Variants in SMYD3 observed in about 807,000 individuals in gnomAD.
SMYD3 encodes SET and MYND domain containing 3.
A neutral mutation model predicts 57.7 loss-of-function variants in SMYD3; 36 were observed. That is an observed-to-expected ratio of 0.62 (90% CI 0.48 to 0.82). SMYD3 has a LOEUF of 0.82. SMYD3 is among the 40% of genes least tolerant of loss of function. SMYD3 has a pLI of 0.00. For synonymous variants in SMYD3, 211 were observed against 195.0 expected (o/e 1.08, Z -0.68); for missense variants, 515 against 538.8 (o/e 0.96, Z 0.44).
At chr1:246,300,094 G>A (rs532136685) in intron 5 of SMYD3, among the ~76,000 whole-genome samples, 17 of 151,852 alleles carry the variant, frequency 1.1e-4, no homozygotes, top group African/African-American at 3.4e-4. Flanking sequence ...AAAATTATAC[G>A]TGGTATGCAT....
intron 10 of SMYD3, among the ~76,000 whole-genome samples, chr1:245,770,427 T>C (rs546629872): frequency 6.5e-4 from 99 of 152,328 alleles, no homozygotes; most frequent in African/African-American, 2.4e-3. Flanking sequence ...TCTATCTAGG[T>C]ATAGTAAATT....
In SMYD3 at chr1:246,031,277, A is replaced by G. The variant is rs566667337; in HGVS notation, c.532-101340T>C. On this transcript the variant is annotated intron_variant, in intron 5 of 11. Coordinates refer to ENST00000490107, the MANE Select transcript of SMYD3 (RefSeq NM_001167740.2). ...CTTGGTAGCAAACTAGTTGTCAAGC[A>G]AAGAAGGATTATGGGTTTATTCAGA... 5.3e-5 allele frequency among the ~76,000 whole-genome samples: 8 copies of G among 152,304 alleles called. No individual in the cohort carries two copies. In the South Asian group the frequency reaches 1.7e-3, roughly 32 times the overall value.
At chr1:246,081,582 C>T (rs2060638282) in intron 5 of SMYD3, among the ~76,000 whole-genome samples, 1 of 152,084 alleles carries the variant, frequency 6.6e-6, no homozygotes, top group African/African-American at 2.4e-5. Flanking sequence ...TTAGTAGAGA[C>T]AAAGTTTCGC....
intron 10 of SMYD3, among the ~76,000 whole-genome samples, chr1:245,832,189 C>T (rs1382839706): frequency 6.6e-6 from 1 of 152,192 alleles, no homozygotes; most frequent in Non-Finnish European, 1.5e-5. Flanking sequence ...CTTCGGGGCT[C>T]GTTTATATAA....
intron 5 of SMYD3, among the ~76,000 whole-genome samples, chr1:245,957,299 A>T (rs1180355366): frequency 1.3e-5 from 2 of 152,238 alleles, no homozygotes; most frequent in Non-Finnish European, 2.9e-5. Flanking sequence ...ACACAATAGA[A>T]GTAAAAATAA....
chr1:245,959,396 G>A (rs917430256), intron 5 of SMYD3, among the ~76,000 whole-genome samples: 1 of 152,228 alleles, frequency 6.6e-6, no homozygotes, highest in Non-Finnish European at 1.5e-5. Flanking sequence ...CAGAAGACAG[G>A]ATGGCACAAC....
chr1:245,943,201 G>C (rs1278166741), intron 5 of SMYD3, among the ~76,000 whole-genome samples: 3 of 128,646 alleles, frequency 2.3e-5, no homozygotes, highest in Non-Finnish European at 4.9e-5. Context: ...AAAGAATACA[G>C]GGGCTGAGTT....
intron 5 of SMYD3, among the ~76,000 whole-genome samples, chr1:246,287,531 T>A (rs1191555176): frequency 1.3e-5 from 2 of 152,230 alleles, no homozygotes; most frequent in Admixed American, 1.3e-4. Flanking sequence ...TTTCACTTGC[T>A]AGGTGACCTT....
intron 5 of SMYD3, among the ~76,000 whole-genome samples, chr1:246,016,075 C>T (rs1303763971): frequency 6.6e-6 from 1 of 151,992 alleles, no homozygotes; most frequent in Non-Finnish European, 1.5e-5. Context: ...CCGTCAGTGG[C>T]GGACAGAAAA....
rs140887565 is a variant in SMYD3 at position 246,090,958 on chromosome 1, G to A, written c.532-161021C>T. Among the ~76,000 whole-genome samples the A allele has an allele frequency of 1.2e-3, 185 of 152,234 alleles. 2 individuals are homozygous for A. The highest frequency in any genetic ancestry group is 4.3e-3 in the African/African-American group (180 of 41,544). ...CACTTCATACTGGGAACCTCGTCGG[G>A]GAAACCAAGGTACAGCAGTCACCGA... On this transcript the variant is annotated intron_variant, in intron 5 of 11. Coordinates refer to ENST00000490107, the MANE Select transcript of SMYD3 (RefSeq NM_001167740.2).
chr1:245,810,218 G>A (rs934860969), intron 10 of SMYD3, among the ~76,000 whole-genome samples: 1 of 152,144 alleles, frequency 6.6e-6, no homozygotes, highest in Admixed American at 6.5e-5. Flanking sequence ...GCTAGGTGAG[G>A]CCTCTCACCC....
chr1:246,309,655 C>T lies in SMYD3; in HGVS notation c.531+17546G>A, dbSNP rs1264643719. Reference sequence around the variant, plus strand: ...GGGATAGGTATTTATCAATGAAATGCTCCCAAGGACACTAATGAGGTTTTA... The same window carrying T: ...GGGATAGGTATTTATCAATGAAATGTTCCCAAGGACACTAATGAGGTTTTA... On this transcript the variant is annotated intron_variant, in intron 5 of 11. Transcript: ENST00000490107. 5.3e-5 allele frequency among the ~76,000 whole-genome samples: 8 copies of T among 152,262 alleles called. No individual in the cohort carries two copies. In the South Asian group the frequency reaches 1.7e-3, roughly 32 times the overall value.
rs141673240 is a variant in SMYD3 at position 245,981,230 on chromosome 1, A to G, written c.532-51293T>C. ...TGAGGTTTTAGGACAGGTAGTGCCA[A>G]CAGCACACAGTGCTAAGGGGATGCC... On this transcript the variant is annotated intron_variant, in intron 5 of 11. Coordinates refer to ENST00000490107, the MANE Select transcript of SMYD3 (RefSeq NM_001167740.2). Among the ~76,000 whole-genome samples, 455 of 152,350 alleles carry G rather than the reference A, an allele frequency of 3.0e-3. 1 individual carries two copies. Among genetic ancestry groups the G allele is most frequent in the African/African-American group, 9.9e-3 (411 of 41,578 alleles).
At chr1:246,122,799 C>T (rs1261504382) in intron 5 of SMYD3, among the ~76,000 whole-genome samples, 1 of 152,134 alleles carries the variant, frequency 6.6e-6, no homozygotes, top group Non-Finnish European at 1.5e-5. Context: ...CAAACATGCC[C>T]CTGCTCTCCG....
rs1461092876 is a variant in SMYD3 at position 246,465,881 on chromosome 1, C to T, written c.164+41173G>A. Among the ~76,000 whole-genome samples the T allele has an allele frequency of 3.9e-5, 6 of 152,284 alleles. No individual in the cohort carries two copies. In the South Asian group the frequency reaches 6.2e-4, roughly 16 times the overall value. The stretch of plus-strand genomic sequence containing the variant: ...TTGCCTCCTGGGTTCAAGCAATTCT[C>T]GTGCGCCTGCCTACTGAGTAGCTGG... On this transcript the variant is annotated intron_variant, in intron 1 of 11. Coordinates refer to ENST00000490107, the MANE Select transcript of SMYD3 (RefSeq NM_001167740.2).
intron 10 of SMYD3, among the ~76,000 whole-genome samples, chr1:245,810,458 G>T: frequency 6.6e-6 from 1 of 152,146 alleles, no homozygotes; most frequent in East Asian, 1.9e-4. Flanking sequence ...AGATGGCATT[G>T]GTACTGGCAA....
intron 7 of SMYD3, among the ~76,000 whole-genome samples, chr1:245,919,042 A>G (rs1312089306): frequency 6.6e-6 from 1 of 152,132 alleles, no homozygotes; most frequent in Non-Finnish European, 1.5e-5. Context: ...AACCCCAATA[A>G]ATGGGCTCCT....
intron 3 of SMYD3, among the ~76,000 whole-genome samples, chr1:246,330,878 A>AG (rs1558406019): frequency 6.6e-6 from 1 of 152,192 alleles, no homozygotes; most frequent in Non-Finnish European, 1.5e-5. Context: ...TCACACCTAT[A>AG]ATCCCCGATA....
chr1:245,981,057 T>C (rs931771550), intron 5 of SMYD3, among the ~76,000 whole-genome samples: 1 of 152,296 alleles, frequency 6.6e-6, no homozygotes, highest in Admixed American at 6.5e-5. Flanking sequence ...TAACTTGGAG[T>C]ATCCCACTGT....
Sources: allele counts gnomAD v4.1 joint callset (sites outside exome capture counted in the v4.1 genomes callset), GRCh38; gene constraint gnomAD v4.1.1; transcripts MANE v1.5; gene names NCBI Gene and HGNC (gene_info 2026-07-23, HGNC 2026-07-21).